The following CLCA1 variants were observed in gnomAD, a reference collection of about 807,000 sequenced individuals.
The protein encoded by CLCA1 is chloride channel accessory 1.
In CLCA1, 59 loss-of-function variants were observed where a neutral mutation model predicts 85.6. The ratio of observed to expected loss-of-function variants is 0.69; its 90% CI spans 0.56 to 0.86. The LOEUF is 0.86. Among genes scored for constraint, CLCA1 ranks in the 40% least tolerant of loss-of-function variants. CLCA1 has a pLI of 0.00. For missense variants in CLCA1, 1,022 were observed against 1,101.4 expected (o/e 0.93, Z 1.02); for synonymous variants, 396 against 398.3 (o/e 0.99, Z 0.07).
At position 86,499,987 on chromosome 1, in the gene CLCA1, T is replaced by G; in HGVS notation, c.2687T>G (p.Ile896Ser). 1 of 1,613,146 alleles carries G rather than the reference T, an allele frequency of 6.2e-7. No individual in the cohort carries two copies. The highest frequency in any genetic ancestry group is 8.5e-7 in the Non-Finnish European group (1 of 1,179,156). The change falls in exon 14 of 14, where the codon ATT becomes AGT. Residue 896 changes from isoleucine (I) to serine (S), a missense_variant. Ile to Ser is a moderately radical substitution (Grantham distance 142). Transcript: ENST00000394711. ...NIHINSTIPG[I>S]HILKIMWKWI... ...CATATCAACAGCACCATTCCTGGCATTCACATTTTAAAAATTATGTGGAAG... is the reference window on the plus strand; with the variant it reads ...CATATCAACAGCACCATTCCTGGCAGTCACATTTTAAAAATTATGTGGAAG...
intron 5 of CLCA1, among the ~76,000 whole-genome samples, chr1:86,483,804 T>G (rs769806736): frequency 6.6e-6 from 1 of 152,156 alleles, no homozygotes; most frequent in Non-Finnish European, 1.5e-5. Context: ...GTAAGCAGGT[T>G]TCTGTAATAG....
At chr1:86,486,017 GGAGAGAGAGAGAGA>G (rs35497869) in intron 6 of CLCA1, among the ~76,000 whole-genome samples, 1 of 147,322 alleles carries the variant, frequency 6.8e-6, no homozygotes, top group Admixed American at 6.8e-5. Context: ...CATGGCAGCA[GGAGAGAGAGAGAGA>G]GAGAGAGAGA....
At chr1:86,495,347 G>T (rs1455357296) in intron 11 of CLCA1, among the ~76,000 whole-genome samples, 158 bp from the exon 12 acceptor site, 2 of 152,156 alleles carry the variant, frequency 1.3e-5, no homozygotes, top group African/African-American at 4.8e-5. Flanking sequence ...AGTGATAAAA[G>T]AAGTAAGCCT....
At chr1:86,481,865 A>T (rs1003368914) in intron 4 of CLCA1, among the ~76,000 whole-genome samples, 1 of 152,232 alleles carries the variant, frequency 6.6e-6, no homozygotes, top group Non-Finnish European at 1.5e-5. Flanking sequence ...TTTGTGGGAA[A>T]TAAAAGAGGG....
intron 10 of CLCA1, 37 bp downstream of exon 10, chr1:86,493,636 C>T (rs759872640): frequency 1.4e-6 from 2 of 1,461,054 alleles, no homozygotes; most frequent in East Asian, 4.6e-5. Context: ...CATAATTCAA[C>T]AAGATAAAAT....
At chr1:86,475,853 G>C (rs1647624772) in intron 3 of CLCA1, among the ~76,000 whole-genome samples, 1 of 152,166 alleles carries the variant, frequency 6.6e-6, no homozygotes, top group South Asian at 2.1e-4. Context: ...GCAGGCCTGA[G>C]GCATCAGGGA....
At chr1:86,482,128 T>C in intron 4 of CLCA1, 77 bp from the exon 5 acceptor site, 1 of 1,043,794 alleles carries the variant, frequency 9.6e-7, no homozygotes, top group Non-Finnish European at 1.4e-6. Flanking sequence ...AAAGGCAATC[T>C]GTCAGAAACT....
chr1:86,490,839 G>A (rs1453014487), intron 8 of CLCA1, among the ~76,000 whole-genome samples: 2 of 150,118 alleles, frequency 1.3e-5, no homozygotes, highest in South Asian at 2.1e-4. Context: ...GCCAAGGCAG[G>A]TGGATTGATT....
intron 1 of CLCA1, among the ~76,000 whole-genome samples, chr1:86,469,808 T>C (rs1161481984): frequency 2.6e-5 from 4 of 152,184 alleles, no homozygotes; most frequent in Non-Finnish European, 5.9e-5. Context: ...CCCTGGAATC[T>C]GGCTGTAACA....
At chr1:86,495,480 A>G (rs1648252228) in intron 11 of CLCA1, 25 bp from the exon 12 acceptor site, 1 of 1,582,112 alleles carries the variant, frequency 6.3e-7, no homozygotes, top group Non-Finnish European at 8.7e-7. Context: ...TTACCTATTT[A>G]TTAATTCCTT....
At chr1:86,491,472 C>T in intron 9 of CLCA1, 101 bp downstream of exon 9, 1 of 697,884 alleles carries the variant, frequency 1.4e-6, no homozygotes, top group Non-Finnish European at 2.4e-6. Flanking sequence ...TCTTCTGGTA[C>T]TGAATTAAAA....
chr1:86,490,458 A>G (rs1558143615), intron 8 of CLCA1, among the ~76,000 whole-genome samples: 1 of 152,166 alleles, frequency 6.6e-6, no homozygotes, highest in Non-Finnish European at 1.5e-5. Context: ...TTTATAATAT[A>G]CTATTCTGTA....
intron 1 of CLCA1, among the ~76,000 whole-genome samples, chr1:86,471,461 A>T (rs1647497261): frequency 6.6e-6 from 1 of 152,154 alleles, no homozygotes; most frequent in South Asian, 2.1e-4. Context: ...TTTTCTGAAA[A>T]TCTGAAACAG....
Position 86,498,706 on chromosome 1 carries a change from C to T in CLCA1, c.2248C>T (p.Leu750Phe). ...SDVPNAPIPD[L>F]FPPGQITDLK... ...TGTCCCAAATGCTCCCATACCTGAT[C>T]TCTTCCCACCTGGCCAAATCACCGA... The change falls in exon 13 of 14, where the codon CTC becomes TTC. Residue 750 changes from leucine (L) to phenylalanine (F), a missense_variant. By Grantham distance (22) the Leu-to-Phe change is conservative. Transcript: ENST00000394711. 1 of 1,614,138 alleles carries T rather than the reference C, an allele frequency of 6.2e-7. No homozygotes were observed. Among genetic ancestry groups the T allele is most frequent in the Non-Finnish European group, 8.5e-7 (1 of 1,180,032 alleles).
chr1:86,494,923 G>A (rs1046184771), intron 11 of CLCA1, among the ~76,000 whole-genome samples: 1 of 151,788 alleles, frequency 6.6e-6, no homozygotes, highest in African/African-American at 2.4e-5. Context: ...AGTCCTATAT[G>A]ATTCCTGTAT....
intron 7 of CLCA1, among the ~76,000 whole-genome samples, chr1:86,488,082 G>C (rs555984630): frequency 6.6e-6 from 1 of 152,254 alleles, no homozygotes; most frequent in Admixed American, 6.5e-5. Context: ...TGAGTGAGGC[G>C]GAAACCTCCT....
chr1:86,476,384 C>A, intron 3 of CLCA1, 64 bp from the exon 4 acceptor site: 2 of 772,872 alleles, frequency 2.6e-6, no homozygotes, highest in South Asian at 1.6e-5. Flanking sequence ...TTGCTTTCTT[C>A]CAGTGTGAGA....
chr1:86,484,160 C>A (rs1451764759), intron 5 of CLCA1, among the ~76,000 whole-genome samples: 1 of 152,134 alleles, frequency 6.6e-6, no homozygotes, highest in African/African-American at 2.4e-5. Context: ...TTGGGTGGGA[C>A]ACAGAGCCAA....
intron 13 of CLCA1, 65 bp downstream of exon 13, chr1:86,498,876 G>A: frequency 6.4e-7 from 1 of 1,553,882 alleles, no homozygotes; most frequent in Non-Finnish European, 8.7e-7. Context: ...GCAGAAGCGG[G>A]TGAGGCAGGC....
Sources: allele counts gnomAD v4.1 joint callset (sites outside exome capture counted in the v4.1 genomes callset), GRCh38; gene constraint gnomAD v4.1.1; transcripts MANE v1.5; gene names NCBI Gene and HGNC (gene_info 2026-07-23, HGNC 2026-07-21).